The following COLGALT2 variants were observed in gnomAD, a reference collection of about 807,000 sequenced individuals.
The protein encoded by COLGALT2 is procollagen galactosyltransferase 2.
A neutral mutation model predicts 73.4 loss-of-function variants in COLGALT2; 49 were observed. The ratio of observed to expected loss-of-function variants is 0.67; its 90% CI spans 0.53 to 0.85. COLGALT2 has a LOEUF of 0.85. Ranked by LOEUF, COLGALT2 falls within the 40% of genes least tolerant of loss-of-function variation. The pLI, the probability that COLGALT2 is intolerant of heterozygous loss-of-function variation, is 0.00. For synonymous variants in COLGALT2, 295 were observed against 307.6 expected (o/e 0.96, Z 0.43); for missense variants, 722 against 790.2 (o/e 0.91, Z 1.03).
At chr1:183,941,809 C>T (rs78283206) in intron 10 of COLGALT2, among the ~76,000 whole-genome samples, 6 of 152,164 alleles carry the variant, frequency 3.9e-5, no homozygotes, top group South Asian at 2.1e-4. Flanking sequence ...AAACTCTTAT[C>T]GAGCACTTGA....
At chr1:183,944,579 T>C (rs1012078520) in intron 9 of COLGALT2, among the ~76,000 whole-genome samples, 10 of 152,190 alleles carry the variant, frequency 6.6e-5, no homozygotes, top group African/African-American at 2.2e-4. Context: ...TACTGCATGA[T>C]TCCATTCATA....
chr1:183,990,781 C>T (rs778035947), intron 1 of COLGALT2, among the ~76,000 whole-genome samples: 1 of 152,216 alleles, frequency 6.6e-6, no homozygotes, highest in Non-Finnish European at 1.5e-5. Flanking sequence ...GACTTACAAG[C>T]CAAGAGGGCG....
chr1:183,978,236 A>G (rs908881457), intron 2 of COLGALT2, among the ~76,000 whole-genome samples, 174 bp downstream of exon 2: 1 of 152,224 alleles, frequency 6.6e-6, no homozygotes, highest in Non-Finnish European at 1.5e-5. Context: ...AAACAGCAAG[A>G]GAGTACTGTG....
intron 1 of COLGALT2, among the ~76,000 whole-genome samples, chr1:184,008,234 T>C (rs1157616063): frequency 6.6e-6 from 1 of 152,144 alleles, no homozygotes; most frequent in Non-Finnish European, 1.5e-5. Context: ...ATTTTATAAA[T>C]GACAGGCCTG....
chr1:183,951,982 G>A (rs1258001311), intron 7 of COLGALT2, among the ~76,000 whole-genome samples: 1 of 152,172 alleles, frequency 6.6e-6, no homozygotes, highest in Admixed American at 6.6e-5. Flanking sequence ...GCATGGTACT[G>A]GCATAAGAAT....
At position 183,937,616 on chromosome 1, in the gene COLGALT2, C is replaced by T. The variant is rs1053682252; in HGVS notation, c.*1145G>A. ...CAAATCCCCCCATCCACAGGCCTCC[C>T]CACAAGAGCCTGGCTGGGAAATTCA... On this transcript the variant is annotated 3_prime_UTR_variant, in exon 12 of 12. Transcript: ENST00000361927. 1.0e-6 allele frequency: 1 copy of T among 985,398 alleles called. No individual in the cohort carries two copies. The highest frequency in any genetic ancestry group is 1.2e-6 in the Non-Finnish European group (1 of 829,948). The allele number at this position is 985,398 out of a possible 1,614,324, so 61.0% of individuals were successfully genotyped here.
intron 6 of COLGALT2, among the ~76,000 whole-genome samples, chr1:183,956,537 T>C (rs766938394): frequency 1.3e-5 from 2 of 152,176 alleles, no homozygotes; most frequent in African/African-American, 2.4e-5. Context: ...GTTCATGATA[T>C]TGTCTGAGGA....
At chr1:184,002,107 T>C (rs909760123) in intron 1 of COLGALT2, among the ~76,000 whole-genome samples, 11 of 152,216 alleles carry the variant, frequency 7.2e-5, no homozygotes. Context: ...ACTAGACTAG[T>C]GGAAGTTTGG....
intron 1 of COLGALT2, among the ~76,000 whole-genome samples, chr1:183,991,381 A>G (rs190403883): frequency 8.7e-4 from 133 of 152,336 alleles, no homozygotes; most frequent in Non-Finnish European, 6.2e-4. Context: ...TTTCTCTGCT[A>G]CAGTATTTGT....
chr1:183,944,192 T>C lies in COLGALT2; in HGVS notation c.1397+4A>G. ...CCCTCTCGTAAGATCATCTTGTCAC[T>C]CACATCAGTTCCCAGTCCAGCTGAG... is the stretch of plus-strand genomic sequence containing the variant. On this transcript the variant is annotated splice_donor_region_variant and intron_variant, in intron 10 of 11. Coordinates refer to ENST00000361927, the MANE Select transcript of COLGALT2 (RefSeq NM_015101.4). The C allele has an allele frequency of 6.2e-7, 1 of 1,608,284 alleles. No individual in the cohort carries two copies. The highest frequency in any genetic ancestry group is 8.5e-7 in the Non-Finnish European group (1 of 1,177,890).
chr1:183,963,098 T>C (rs904648655), intron 6 of COLGALT2, among the ~76,000 whole-genome samples: 2 of 152,198 alleles, frequency 1.3e-5, no homozygotes, highest in South Asian at 2.1e-4. Context: ...TTAGCCACCA[T>C]TGTACATCAC....
In COLGALT2 at chr1:183,954,242, C is replaced by T. The variant is rs1351735896; in HGVS notation, c.1029+520G>A. On this transcript the variant is annotated intron_variant, in intron 7 of 11. Coordinates refer to ENST00000361927, the MANE Select transcript of COLGALT2 (RefSeq NM_015101.4). ...TTAGAATATTATTAGGAAGTTCTTG[C>T]CTGCTGAAAGGCAGAATTTTAGAAC... Among the ~76,000 whole-genome samples the T allele has an allele frequency of 4.6e-5, 7 of 151,230 alleles. No homozygotes were observed. The East Asian group carries it at 1.4e-3, about 30-fold the overall frequency.
intron 5 of COLGALT2, among the ~76,000 whole-genome samples, chr1:183,967,077 A>T (rs1311631116): frequency 6.6e-6 from 1 of 152,236 alleles, no homozygotes; most frequent in African/African-American, 2.4e-5. Flanking sequence ...GAGCCTGGAG[A>T]CATGCCCTGG....
intron 6 of COLGALT2, among the ~76,000 whole-genome samples, chr1:183,960,714 A>G (rs1670676207): frequency 6.6e-6 from 1 of 152,170 alleles, no homozygotes; most frequent in Non-Finnish European, 1.5e-5. Flanking sequence ...TCTGAATGTG[A>G]CCCAATACAA....
At chr1:183,999,412 T>TA (rs1407944812) in intron 1 of COLGALT2, among the ~76,000 whole-genome samples, 1 of 152,162 alleles carries the variant, frequency 6.6e-6, no homozygotes, top group East Asian at 1.9e-4. Flanking sequence ...AATTAGGTAG[T>TA]ATTTTCTTTT....
chr1:184,001,234 C>T (rs1671916531), intron 1 of COLGALT2, among the ~76,000 whole-genome samples: 2 of 152,056 alleles, frequency 1.3e-5, no homozygotes, highest in Admixed American at 1.3e-4. Context: ...TTTCTCTCTG[C>T]TGTTTTAAAG....
rs555817847 is a variant in COLGALT2, at chr1:183,958,082, G to T, written c.953-3244C>A. ...TCTGGCCTCCTGTCATTCATCTCCC[G>T]AAGGCAGCACATCCCCAAATTCTCT... On this transcript the variant is annotated intron_variant, in intron 6 of 11. Coordinates refer to ENST00000361927, the MANE Select transcript of COLGALT2 (RefSeq NM_015101.4). Among the ~76,000 whole-genome samples, 3 of 152,100 alleles carry T rather than the reference G, an allele frequency of 2.0e-5. No homozygotes were observed. The South Asian group carries it at 6.2e-4, about 32-fold the overall frequency.
At chr1:183,990,868 C>A (rs1243376947) in intron 1 of COLGALT2, among the ~76,000 whole-genome samples, 38 of 152,144 alleles carry the variant, frequency 2.5e-4, no homozygotes, top group Admixed American at 2.5e-3. Context: ...GAGGGGTGAC[C>A]CCCTTTCCTG....
intron 8 of COLGALT2, among the ~76,000 whole-genome samples, chr1:183,949,198 C>A (rs1479815632): frequency 6.6e-6 from 1 of 152,172 alleles, no homozygotes; most frequent in African/African-American, 2.4e-5. Flanking sequence ...ATCAAAATCC[C>A]AGCTGCCGTT....
Sources: gnomAD v4.1 joint callset for allele counts (sites outside exome capture counted in the v4.1 genomes callset) on GRCh38, gnomAD v4.1.1 for gene constraint, MANE v1.5 for transcripts, NCBI Gene and HGNC (gene_info 2026-07-23, HGNC 2026-07-21) for gene names.